SPATA17: variants seen among roughly 807,000 people sequenced by gnomAD.
The protein encoded by SPATA17 is spermatogenesis associated 17, also known as spermatogenesis-associated protein 17.
Under a neutral mutation model 62.2 loss-of-function variants are expected in SPATA17, and 53 were observed. The observed-to-expected ratio is 0.85, with a 90% CI of 0.68 to 1.07. SPATA17 has a LOEUF of 1.07. Ranked by LOEUF, SPATA17 falls within the 50% of genes least tolerant of loss-of-function variation. SPATA17 has a pLI of 0.00. For missense variants in SPATA17, 466 were observed against 425.5 expected (o/e 1.10, Z -0.84); for synonymous variants, 146 against 146.8 (o/e 0.99, Z 0.04).
At chr1:217,796,196 G>A (rs1192612132) in intron 8 of SPATA17, among the ~76,000 whole-genome samples, 1 of 152,142 alleles carries the variant, frequency 6.6e-6, no homozygotes, top group African/African-American at 2.4e-5. Flanking sequence ...TGGCCTAAAA[G>A]AAGAGCCTAT....
At chr1:217,674,383 C>T (rs1453917865) in intron 4 of SPATA17, among the ~76,000 whole-genome samples, 1 of 152,248 alleles carries the variant, frequency 6.6e-6, no homozygotes, top group Admixed American at 6.5e-5. Flanking sequence ...TTTTCTTGGT[C>T]GTTTTGCAGG....
chr1:217,856,996 G>A (rs1211907482), intron 9 of SPATA17, among the ~76,000 whole-genome samples: 1 of 152,150 alleles, frequency 6.6e-6, no homozygotes, highest in Non-Finnish European at 1.5e-5. Context: ...TATACGTAGC[G>A]AGAAGTTCTT....
intron 3 of SPATA17, among the ~76,000 whole-genome samples, chr1:217,667,197 G>A (rs1670717481): frequency 6.6e-6 from 1 of 151,588 alleles, no homozygotes; most frequent in South Asian, 2.1e-4. Context: ...ACAGTCGCCT[G>A]CCACTACGCC....
At chr1:217,747,747 C>G (rs943514702) in intron 6 of SPATA17, among the ~76,000 whole-genome samples, 1 of 151,912 alleles carries the variant, frequency 6.6e-6, no homozygotes, top group African/African-American at 2.4e-5. Context: ...AATTGTTACA[C>G]GTATATAATG....
At chr1:217,767,567 T>C (rs1290543173) in intron 6 of SPATA17, among the ~76,000 whole-genome samples, 1 of 152,208 alleles carries the variant, frequency 6.6e-6, no homozygotes, top group East Asian at 1.9e-4. Context: ...ACAACTTTCT[T>C]CTGTGTGCTT....
intron 3 of SPATA17, among the ~76,000 whole-genome samples, chr1:217,660,051 A>G (rs1206309430): frequency 2.6e-5 from 4 of 152,154 alleles, no homozygotes; most frequent in Non-Finnish European, 5.9e-5. Context: ...ACCACTTGCC[A>G]TTGCCCAAAT....
chr1:217,764,632 T>A (rs763443167), intron 6 of SPATA17, among the ~76,000 whole-genome samples: 1 of 152,172 alleles, frequency 6.6e-6, no homozygotes, highest in Non-Finnish European at 1.5e-5. Context: ...TTTAGTTTTG[T>A]AAAAAACTGT....
rs191968440 is a variant in SPATA17, at chr1:217,756,897, T to G, written c.519+14799T>G. ...TTCAACATCCTGTTACACATTGGTT[T>G]GTAATCATTTTATGAGACGAAGGGA... is the stretch of plus-strand genomic sequence containing the variant. On this transcript the variant is annotated intron_variant, in intron 6 of 10. Transcript: ENST00000366933. Among the ~76,000 whole-genome samples the G allele has an allele frequency of 2.1e-4, 32 of 152,364 alleles. No individual in the cohort carries two copies. In the East Asian group the frequency reaches 5.8e-3, roughly 28 times the overall value.
chr1:217,859,775 A>G (rs544188020), intron 9 of SPATA17, among the ~76,000 whole-genome samples: 3 of 152,104 alleles, frequency 2.0e-5, no homozygotes, highest in Non-Finnish European at 4.4e-5. Context: ...GATATTAGTA[A>G]TTTGTGTCTT....
At chr1:217,827,816 A>C (rs541315866) in intron 9 of SPATA17, among the ~76,000 whole-genome samples, 1 of 152,264 alleles carries the variant, frequency 6.6e-6, no homozygotes, top group African/African-American at 2.4e-5. Context: ...CTCACTCATA[A>C]GTGATAGCTG....
chr1:217,644,645 A>G (rs1034238296), intron 1 of SPATA17, among the ~76,000 whole-genome samples: 1 of 150,936 alleles, frequency 6.6e-6, no homozygotes, highest in Non-Finnish European at 1.5e-5. Flanking sequence ...TTTTTTTTTC[A>G]TTTTCTACTT....
intron 5 of SPATA17, among the ~76,000 whole-genome samples, chr1:217,721,771 T>A (rs1474893616): frequency 6.6e-6 from 1 of 152,184 alleles, no homozygotes; most frequent in East Asian, 1.9e-4. Context: ...ACCTCACTGT[T>A]TGATACTCTT....
Position 217,800,867 on chromosome 1 carries a change from T to C in SPATA17, c.873-851T>C, listed in dbSNP as rs546384709. ...CTTTTTAAAAAGATTTATTTACTCT[T>C]ATTTCAGTGTGTTTTGGTGAGGGAT... On this transcript the variant is annotated intron_variant, in intron 8 of 10. Transcript: ENST00000366933. Among the ~76,000 whole-genome samples, 8 of 152,324 alleles carry C rather than the reference T, an allele frequency of 5.3e-5. No individual in the cohort carries two copies. In the East Asian group the frequency reaches 1.2e-3, roughly 22 times the overall value.
chr1:217,824,757 G>A (rs1422223014), intron 9 of SPATA17, among the ~76,000 whole-genome samples: 1 of 150,554 alleles, frequency 6.6e-6, no homozygotes, highest in African/African-American at 2.4e-5. Flanking sequence ...TGTTAGTTCA[G>A]TCATTAATTT....
At chr1:217,719,132 T>G (rs1214580121) in intron 5 of SPATA17, among the ~76,000 whole-genome samples, 2 of 152,226 alleles carry the variant, frequency 1.3e-5, no homozygotes, top group Non-Finnish European at 2.9e-5. Context: ...GAACAATGCA[T>G]TCTCCAGAAA....
At chr1:217,850,670 G>A (rs941646618) in intron 9 of SPATA17, 35 of 1,506,042 alleles carry the variant, frequency 2.3e-5, no homozygotes, top group African/African-American at 4.1e-5. Context: ...GCTGCGAATC[G>A]CCAGTCATGT....
intron 9 of SPATA17, among the ~76,000 whole-genome samples, chr1:217,838,525 A>G (rs1392369714): frequency 1.3e-5 from 2 of 152,092 alleles, no homozygotes; most frequent in Admixed American, 6.6e-5. Context: ...TAATGAAAAT[A>G]ATTAACTAAT....
At chr1:217,669,124 T>G in intron 4 of SPATA17, 41 bp downstream of exon 4, 2 of 1,571,710 alleles carry the variant, frequency 1.3e-6, no homozygotes, top group Non-Finnish European at 1.7e-6. Flanking sequence ...AAAAGTCAAT[T>G]GTGCCCTGAA....
At chr1:217,655,574 T>C (rs1025786091) in intron 3 of SPATA17, among the ~76,000 whole-genome samples, 9 of 152,316 alleles carry the variant, frequency 5.9e-5, no homozygotes, top group Middle Eastern at 3.4e-3. Context: ...CAATTATTAC[T>C]ATAGATCTTC....
Sources: allele counts gnomAD v4.1 joint callset (sites outside exome capture counted in the v4.1 genomes callset), GRCh38; gene constraint gnomAD v4.1.1; transcripts MANE v1.5; gene names NCBI Gene and HGNC (gene_info 2026-07-23, HGNC 2026-07-21).